Variants in SCUBE1 observed in about 807,000 individuals in gnomAD.
SCUBE1 encodes the protein signal peptide, CUB domain and EGF like domain containing 1, also known as signal peptide, CUB and EGF-like domain-containing protein 1.
A neutral mutation model predicts 124.4 loss-of-function variants in SCUBE1; 59 were observed. The ratio of observed to expected loss-of-function variants is 0.47; its 90% CI spans 0.38 to 0.59. The LOEUF is 0.59. Among genes scored for constraint, SCUBE1 ranks in the 20% least tolerant of loss-of-function variants. The probability of loss-of-function intolerance (pLI) is 0.00; values close to 1 mark genes in which losing one functional copy is unlikely to be tolerated. For missense variants in SCUBE1, 1,150 were observed against 1,371.2 expected (o/e 0.84, Z 2.55); for synonymous variants, 545 against 550.9 (o/e 0.99, Z 0.15).
At chr22:43,212,141 C>T (rs1408474721) in intron 17 of SCUBE1, among the ~76,000 whole-genome samples, 1 of 151,402 alleles carries the variant, frequency 6.6e-6, no homozygotes, top group Non-Finnish European at 1.5e-5. Flanking sequence ...CTCCCAACCT[C>T]CCTTCTAGAT....
At chr22:43,256,965 T>C (rs1392473603) in intron 6 of SCUBE1, among the ~76,000 whole-genome samples, 1 of 152,150 alleles carries the variant, frequency 6.6e-6, no homozygotes, top group Non-Finnish European at 1.5e-5. Flanking sequence ...AAATAATTAA[T>C]GAACATCAGT....
At chr22:43,276,275 T>A (rs1422318322) in intron 4 of SCUBE1, among the ~76,000 whole-genome samples, 2 of 152,014 alleles carry the variant, frequency 1.3e-5, no homozygotes, top group African/African-American at 4.8e-5. Context: ...CTCAAGAAGC[T>A]TAGGGGAGAG....
At chr22:43,261,700 A>T (rs1459912525) in intron 5 of SCUBE1, among the ~76,000 whole-genome samples, 2 of 152,182 alleles carry the variant, frequency 1.3e-5, no homozygotes, top group Non-Finnish European at 2.9e-5. Context: ...CACCTTCTCT[A>T]TTGGGAGTTG....
Position 43,211,206 on chromosome 22 carries a change from C to T in SCUBE1, c.2222-123G>A. On this transcript the variant is annotated intron_variant, in intron 17 of 21. Coordinates refer to ENST00000360835, the MANE Select transcript of SCUBE1 (RefSeq NM_173050.5). The surrounding 1 kb of genome is among the most constrained non-coding windows in gnomAD (Gnocchi z 4.5). ...CTGTTTTGGCACAGAGTTCAAGGCT[C>T]CTCCCCACCGCCCCATGACCTCCCA... 1 of 991,016 alleles carries T rather than the reference C, an allele frequency of 1.0e-6. No homozygotes were observed. The highest frequency in any genetic ancestry group is 1.5e-6 in the Non-Finnish European group (1 of 670,892). 61.4% of individuals were successfully genotyped at this position (991,016 alleles called of 1,614,324 possible). A position where few individuals can be genotyped will look rare whatever the true frequency, so the allele number is the denominator to read the frequency against.
In SCUBE1 at chr22:43,201,069, C is replaced by A. The variant is rs138980; in HGVS notation, c.*2928G>T. Reference sequence around the variant, plus strand: ...CTGTAATCCCAGCACTTTGGGAGGCCGAGGTGGGCGGATCACGAGGTCAGG... The same window carrying A: ...CTGTAATCCCAGCACTTTGGGAGGCAGAGGTGGGCGGATCACGAGGTCAGG... On this transcript the variant is annotated 3_prime_UTR_variant, in exon 22 of 22. Coordinates refer to ENST00000360835, the MANE Select transcript of SCUBE1 (RefSeq NM_173050.5). 13,887 of 151,870 alleles carry A rather than the reference C, an allele frequency of 0.091. 747 individuals are homozygous for A. The highest frequency in any genetic ancestry group is 0.12 in the Non-Finnish European group (8,060 of 67,912). 9.4% of individuals were successfully genotyped at this position (151,870 alleles called of 1,614,324 possible).
chr22:43,274,751 A>C (rs1924431785), intron 4 of SCUBE1, among the ~76,000 whole-genome samples: 1 of 152,212 alleles, frequency 6.6e-6, no homozygotes. Flanking sequence ...CTGTCCACCC[A>C]CATGCCGCAG....
At chr22:43,297,446 G>A (rs942458882) in intron 3 of SCUBE1, among the ~76,000 whole-genome samples, 2 of 152,244 alleles carry the variant, frequency 1.3e-5, no homozygotes, top group African/African-American at 2.4e-5. Flanking sequence ...GGGTGGCGGC[G>A]GACGGCCCTC....
chr22:43,221,243 T>A lies in SCUBE1; in HGVS notation c.1479A>T (p.Arg493=). ...GGGGCCGGAGGTGGCACTTGGCATC[T>A]CGGATCTTGAAGCGGGCCTTCTGTT... ...PIKQKARFKI[R]DAKCHLRPHS... The change falls in exon 13 of 22, where the codon CGA becomes CGT. Residue 493 remains arginine, a synonymous_variant. Coordinates refer to ENST00000360835, the MANE Select transcript of SCUBE1 (RefSeq NM_173050.5). The A allele has an allele frequency of 6.2e-7, 1 of 1,611,556 alleles. No individual in the cohort carries two copies. The highest frequency in any genetic ancestry group is 8.5e-7 in the Non-Finnish European group (1 of 1,179,872).
chr22:43,299,163 G>A (rs898677349), intron 3 of SCUBE1, among the ~76,000 whole-genome samples: 1 of 152,170 alleles, frequency 6.6e-6, no homozygotes, highest in African/African-American at 2.4e-5. Context: ...CTATAAAACA[G>A]GGATAAAAGT....
At chr22:43,291,300 C>G (rs5751473) in intron 3 of SCUBE1, 120 bp from the exon 4 acceptor site, 81,899 of 1,070,562 alleles carry the variant, frequency 0.077, 9,055 homozygotes, top group East Asian at 0.49. Flanking sequence ...GGAGGGACTC[C>G]AGAGAGGGCC....
intron 5 of SCUBE1, among the ~76,000 whole-genome samples, chr22:43,262,250 T>C (rs1034324472): frequency 3.3e-5 from 5 of 152,232 alleles, no homozygotes; most frequent in Non-Finnish European, 7.3e-5. Flanking sequence ...GGCTTCTGCC[T>C]CCCAAGAAGC....
chr22:43,212,899 C>T (rs1272119694), intron 16 of SCUBE1, among the ~76,000 whole-genome samples: 1 of 152,144 alleles, frequency 6.6e-6, no homozygotes, highest in Non-Finnish European at 1.5e-5. Context: ...AGGGGACCCA[C>T]AGGTGGAGGG....
intron 19 of SCUBE1, 98 bp from the exon 20 acceptor site, chr22:43,208,322 C>T: frequency 8.8e-7 from 1 of 1,140,078 alleles, no homozygotes; most frequent in Non-Finnish European, 1.3e-6. Context: ...AGCACCTGCA[C>T]CGAACGCCTG....
intron 9 of SCUBE1, among the ~76,000 whole-genome samples, chr22:43,227,883 C>G (rs756289867): frequency 1.3e-5 from 2 of 152,178 alleles, no homozygotes; most frequent in Non-Finnish European, 2.9e-5. Context: ...TTTCTAGCCC[C>G]GGGTCCCCTG....
intron 3 of SCUBE1, among the ~76,000 whole-genome samples, chr22:43,307,114 C>T (rs1380113699): frequency 6.6e-6 from 1 of 152,240 alleles, no homozygotes; most frequent in Non-Finnish European, 1.5e-5. Flanking sequence ...AAGAGCTTGG[C>T]CAATCCAGAG....
chr22:43,327,344 G>T (rs1285252333), intron 2 of SCUBE1, among the ~76,000 whole-genome samples: 1 of 152,158 alleles, frequency 6.6e-6, no homozygotes, highest in African/African-American at 2.4e-5. Flanking sequence ...CATAGTCGAT[G>T]GTTCTATTTA....
chr22:43,239,827 G>A (rs772516909), intron 6 of SCUBE1, among the ~76,000 whole-genome samples: 41 of 152,116 alleles, frequency 2.7e-4, no homozygotes, highest in Admixed American at 7.2e-4. Context: ...GCCAATGGGC[G>A]CCCATCTCTT....
At chr22:43,207,746 GC>G (rs1921351545) in intron 20 of SCUBE1, 133 bp from the exon 21 acceptor site, 1 of 741,404 alleles carries the variant, frequency 1.3e-6, no homozygotes, top group Admixed American at 2.1e-5. Flanking sequence ...CCGCAGCTCT[GC>G]CTCTGTGCCT....
intron 16 of SCUBE1, among the ~76,000 whole-genome samples, chr22:43,213,845 C>T (rs1395481018): frequency 6.6e-6 from 1 of 151,384 alleles, no homozygotes; most frequent in Non-Finnish European, 1.5e-5. Flanking sequence ...ACACCGAGTG[C>T]AGTGCAGCGC....
Sources: gnomAD v4.1 joint callset for allele counts (sites outside exome capture counted in the v4.1 genomes callset) on GRCh38, gnomAD v4.1.1 for gene constraint, Gnocchi (gnomAD v3.1) non-coding constraint, MANE v1.5 for transcripts, NCBI Gene and HGNC (gene_info 2026-07-23, HGNC 2026-07-21) for gene names.